The following ANO2 variants were observed in gnomAD, a reference collection of about 807,000 sequenced individuals.
The protein encoded by ANO2 is anoctamin 2, also known as anoctamin-2.
Under a neutral mutation model 124.2 loss-of-function variants are expected in ANO2, and 101 were observed. That is an observed-to-expected ratio of 0.81 (90% CI 0.69 to 0.96). The LOEUF is 0.96. ANO2 is among the 40% of genes least tolerant of loss of function. ANO2 has a pLI of 0.00. For missense variants in ANO2, 1,293 were observed against 1,274.5 expected, an observed-to-expected ratio of 1.01 and a Z score of -0.22; for synonymous variants, 486 against 482.5, an observed-to-expected ratio of 1.01 and a Z score of -0.09.
At chr12:5,617,497 A>C (rs1398702226) in intron 16 of ANO2, among the ~76,000 whole-genome samples, 1 of 147,866 alleles carries the variant, frequency 6.8e-6, no homozygotes, top group East Asian at 2.0e-4. Context: ...CGCACTCTCC[A>C]GATAACACTG....
chr12:5,644,772 C>A (rs1946546751), intron 15 of ANO2, among the ~76,000 whole-genome samples: 1 of 152,144 alleles, frequency 6.6e-6, no homozygotes, highest in Admixed American at 6.5e-5. Flanking sequence ...CTCTCAGTTT[C>A]TATTTGTCTA....
At chr12:5,740,035 C>T (rs1266300358) in intron 12 of ANO2, 2 of 452,006 alleles carry the variant, frequency 4.4e-6, no homozygotes, top group East Asian at 6.9e-5. Flanking sequence ...CACACCTACA[C>T]ATCCATCAGT....
rs116071839 is a variant in ANO2 at position 5,686,788 on chromosome 12, C to T, written c.1546-38987G>A. 4.4e-3 allele frequency among the ~76,000 whole-genome samples: 667 copies of T among 152,334 alleles called. 4 individuals carry two copies. The highest frequency in any genetic ancestry group is 0.015 in the African/African-American group (642 of 41,578). On this transcript the variant is annotated intron_variant, in intron 14 of 24. Coordinates refer to ENST00000682330, the MANE Select transcript of ANO2 (RefSeq NM_001364791.2). ...GGAGCCGTGCTGTCCTGAGGACTCGCAACACCAGTTCCATCAATGCCCTTA... is the reference window on the plus strand; with the variant it reads ...GGAGCCGTGCTGTCCTGAGGACTCGTAACACCAGTTCCATCAATGCCCTTA...
At chr12:5,702,306 T>G (rs1949434176) in intron 14 of ANO2, among the ~76,000 whole-genome samples, 1 of 152,130 alleles carries the variant, frequency 6.6e-6, no homozygotes, top group Admixed American at 6.5e-5. Flanking sequence ...AGCCCATGTT[T>G]TACAAGTAAA....
At chr12:5,584,835 C>G (rs17787462) in intron 20 of ANO2, among the ~76,000 whole-genome samples, 1,708 of 152,302 alleles carry the variant, frequency 0.011, 65 homozygotes, top group Admixed American at 0.064. Flanking sequence ...GAAGCCTTGA[C>G]AGAAACATAA....
rs528889846 is a variant in ANO2, at chr12:5,764,337, A to G, written c.1056-13367T>C. Among the ~76,000 whole-genome samples the G allele has an allele frequency of 2.0e-5, 3 of 152,332 alleles. No homozygotes were observed. In the East Asian group the frequency reaches 5.8e-4, roughly 29 times the overall value. On this transcript the variant is annotated intron_variant, in intron 10 of 24. Coordinates refer to ENST00000682330, the MANE Select transcript of ANO2 (RefSeq NM_001364791.2). ...TAGTAACTGAGGTGTATTGAGGACT[A>G]ATTGCCAAGCTGTGTTCTAAGGAAA... is the stretch of plus-strand genomic sequence containing the variant.
intron 3 of ANO2, among the ~76,000 whole-genome samples, chr12:5,875,246 G>A (rs186289031): frequency 1.2e-4 from 18 of 152,250 alleles, no homozygotes; most frequent in East Asian, 3.9e-4. Context: ...CCTGTTTCAC[G>A]TCTCACAACC....
chr12:5,825,011 G>A (rs1025971837), intron 7 of ANO2, among the ~76,000 whole-genome samples: 22 of 152,210 alleles, frequency 1.4e-4, no homozygotes, highest in East Asian at 9.6e-4. Flanking sequence ...GCCACAACAT[G>A]TGGAAATTCT....
intron 3 of ANO2, among the ~76,000 whole-genome samples, chr12:5,881,102 C>T (rs935047117): frequency 6.6e-6 from 1 of 152,094 alleles, no homozygotes. Flanking sequence ...TAGTATTCTA[C>T]GTATGTCTAC....
At chr12:5,917,670 C>T (rs1028694521) in intron 3 of ANO2, among the ~76,000 whole-genome samples, 8 of 150,646 alleles carry the variant, frequency 5.3e-5, no homozygotes, top group Non-Finnish European at 7.4e-5. Flanking sequence ...AGAGTTCAGG[C>T]AATCCTCCTG....
chr12:5,752,998 T>G (rs148331549), intron 10 of ANO2, among the ~76,000 whole-genome samples: 109 of 152,316 alleles, frequency 7.2e-4, no homozygotes, highest in African/African-American at 1.9e-3. Context: ...ATATTGATTC[T>G]TCAGCTCCAT....
At chr12:5,946,208 C>T (rs7138441), upstream of ANO2, 2,338 of 1,610,130 alleles carry the variant, frequency 1.5e-3, 31 homozygotes, top group African/African-American at 0.026. The surrounding 1 kb of genome is among the most constrained non-coding windows in gnomAD (Gnocchi z 4.1). Context: ...CATGATAGAT[C>T]CCACTTTATA....
intron 17 of ANO2, among the ~76,000 whole-genome samples, chr12:5,614,136 T>C (rs1278448574): frequency 1.3e-5 from 2 of 152,220 alleles, no homozygotes; most frequent in Non-Finnish European, 2.9e-5. Context: ...TCCTTGTAAG[T>C]AGCCAACTGG....
intron 16 of ANO2, among the ~76,000 whole-genome samples, chr12:5,629,615 C>T (rs183592936): frequency 5.4e-4 from 82 of 152,278 alleles, no homozygotes; most frequent in Middle Eastern, 3.4e-3. Context: ...CCCTAGGACC[C>T]GGACCCTTTC....
At position 5,639,287 on chromosome 12, in the gene ANO2, C is replaced by G. The variant is rs370115886; in HGVS notation, c.1621-3940G>C. ...CACACACTAGCAACTTCATCATCGA[C>G]ATAGTACGCTGCCTATGACCTCCAC... On this transcript the variant is annotated intron_variant, in intron 15 of 24. Transcript: ENST00000682330. Among the ~76,000 whole-genome samples the G allele has an allele frequency of 1.6e-4, 25 of 152,264 alleles. No individual in the cohort carries two copies. In the East Asian group the frequency reaches 4.8e-3, roughly 29 times the overall value.
intron 14 of ANO2, among the ~76,000 whole-genome samples, chr12:5,712,228 C>A (rs1392394999): frequency 1.3e-5 from 2 of 152,006 alleles, no homozygotes; most frequent in Non-Finnish European, 2.9e-5. Context: ...TGTGCTCCAC[C>A]CACTAAATGA....
chr12:5,813,158 C>A (rs944955903), intron 7 of ANO2, among the ~76,000 whole-genome samples: 1 of 152,132 alleles, frequency 6.6e-6, no homozygotes, highest in East Asian at 1.9e-4. Flanking sequence ...TTAAAAGGGA[C>A]TGAATGCCAA....
chr12:5,807,448 C>T (rs995519872), intron 7 of ANO2, 80 bp from the exon 8 acceptor site: 3 of 1,212,880 alleles, frequency 2.5e-6, no homozygotes, highest in Non-Finnish European at 3.5e-6. Flanking sequence ...GATAAATAAG[C>T]TTTCACATGC....
At chr12:5,673,712 G>A (rs4024006) in intron 14 of ANO2, among the ~76,000 whole-genome samples, 68,169 of 152,016 alleles carry the variant, frequency 0.45, 16,934 homozygotes, top group Middle Eastern at 0.61. Flanking sequence ...AACCAGTCCC[G>A]TGATGGTTTA....
Sources: gnomAD v4.1 joint callset for allele counts (sites outside exome capture counted in the v4.1 genomes callset) on GRCh38, gnomAD v4.1.1 for gene constraint, Gnocchi (gnomAD v3.1) non-coding constraint, MANE v1.5 for transcripts, NCBI Gene and HGNC (gene_info 2026-07-23, HGNC 2026-07-21) for gene names.